ALK: variants seen among roughly 807,000 people sequenced by gnomAD.
The protein encoded by ALK is ALK tyrosine kinase receptor.
A neutral mutation model predicts 163.1 loss-of-function variants in ALK; 74 were observed. That is an observed-to-expected ratio of 0.45 (90% confidence interval 0.38 to 0.55). ALK has a LOEUF of 0.55. ALK is among the 20% of genes least tolerant of loss of function. ALK has a pLI of 0.00. For missense variants in ALK, 2,063 were observed against 2,105.3 expected (o/e 0.98, Z 0.39); for synonymous variants, 960 against 843.2 (o/e 1.14, Z -2.40).
chr2:29,446,098 CAAAAAAAAAAAAAAA>C lies in ALK; in HGVS notation c.1155-62254_1155-62240del, dbSNP rs60360983. On this transcript the variant is annotated intron_variant, in intron 4 of 28. Transcript: ENST00000389048. ...TGGGCGACAGAGCGAGACTCCGTCT[CAAAAAAAAAAAAAAA>C]AAAAAAAAAAAAAGTGAAGCGCTGT... Among the ~76,000 whole-genome samples the C allele has an allele frequency of 2.3e-4, 4 of 17,212 alleles. 1 individual carries two copies. Among genetic ancestry groups the C allele is most frequent in the African/African-American group, 5.4e-4 (3 of 5,576 alleles). 11.3% of individuals were successfully genotyped at this position (17,212 alleles called of 152,430 possible). A position where few individuals can be genotyped will look rare whatever the true frequency, so the allele number is the denominator to read the frequency against.
At chr2:29,351,601 A>C (rs764895715) in intron 5 of ALK, among the ~76,000 whole-genome samples, 2 of 152,216 alleles carry the variant, frequency 1.3e-5, no homozygotes, top group Non-Finnish European at 2.9e-5. Context: ...TTCCGCCTTA[A>C]GAGATAGACT....
Position 29,498,339 on chromosome 2 carries a change from C to T in ALK, c.1154+33576G>A, listed in dbSNP as rs1672083762. 2.6e-5 allele frequency among the ~76,000 whole-genome samples: 4 copies of T among 151,172 alleles called. No homozygotes were observed. The South Asian group carries it at 8.4e-4, about 32-fold the overall frequency. ...AATACACTTATTGATGATAAATATG[C>T]AAAAATGAAACAATAAAATTTTGAA... On this transcript the variant is annotated intron_variant, in intron 4 of 28. Transcript: ENST00000389048.
At chr2:29,310,201 A>G (rs1474773572) in intron 8 of ALK, among the ~76,000 whole-genome samples, 1 of 152,206 alleles carries the variant, frequency 6.6e-6, no homozygotes, top group Non-Finnish European at 1.5e-5. Context: ...GGAGTTGGGC[A>G]GACCTGGTTT....
chr2:29,914,975 T>C lies in ALK; in HGVS notation c.667+5018A>G, dbSNP rs369778074. On this transcript the variant is annotated intron_variant, in intron 1 of 28. Coordinates refer to ENST00000389048, the MANE Select transcript of ALK (RefSeq NM_004304.5). ...ATTTACAAAATAAAGCAAACATTTGTCCTGCCTACCATAGGATTAATAAGT... is the reference window on the plus strand; with the variant it reads ...ATTTACAAAATAAAGCAAACATTTGCCCTGCCTACCATAGGATTAATAAGT... Among the ~76,000 whole-genome samples the C allele has an allele frequency of 9.2e-5, 14 of 152,348 alleles. 1 individual carries two copies. The highest frequency in any genetic ancestry group is 3.4e-4 in the African/African-American group (14 of 41,588).
At chr2:29,835,237 T>A (rs1446788177) in intron 1 of ALK, among the ~76,000 whole-genome samples, 4 of 152,174 alleles carry the variant, frequency 2.6e-5, no homozygotes, top group Non-Finnish European at 5.9e-5. Flanking sequence ...TAGCAGAGAA[T>A]GTAAACGTTT....
At chr2:29,207,847 G>C (rs1669352732) in intron 25 of ALK, among the ~76,000 whole-genome samples, 1 of 152,200 alleles carries the variant, frequency 6.6e-6, no homozygotes, top group African/African-American at 2.4e-5. Context: ...TAATTTATTA[G>C]TTTTCATCAG....
chr2:29,245,278 C>T (rs1396333865), intron 12 of ALK, among the ~76,000 whole-genome samples: 2 of 146,316 alleles, frequency 1.4e-5, no homozygotes, highest in African/African-American at 5.1e-5. Context: ...GGCTCAATGC[C>T]CTGCACACAG....
intron 3 of ALK, among the ~76,000 whole-genome samples, chr2:29,641,155 A>G (rs1032447558): frequency 5.3e-5 from 8 of 152,136 alleles, no homozygotes; most frequent in African/African-American, 1.9e-4. Context: ...TTTATCCTAA[A>G]ATAAATAGGC....
chr2:29,755,866 C>A (rs2148333797), intron 1 of ALK, among the ~76,000 whole-genome samples: 1 of 152,296 alleles, frequency 6.6e-6, no homozygotes, highest in South Asian at 2.1e-4. Flanking sequence ...ACCCATCCAT[C>A]CATCAGTCTT....
At chr2:29,612,743 G>A (rs1019837290) in intron 3 of ALK, among the ~76,000 whole-genome samples, 3 of 152,164 alleles carry the variant, frequency 2.0e-5, no homozygotes, top group African/African-American at 7.2e-5. Context: ...ATGGGAAAAT[G>A]GGAGCTTCAG....
chr2:29,522,437 C>T lies in ALK; in HGVS notation c.1154+9478G>A, dbSNP rs549622260. On this transcript the variant is annotated intron_variant, in intron 4 of 28. Coordinates refer to ENST00000389048, the MANE Select transcript of ALK (RefSeq NM_004304.5). ...AAATTACGGGGAATGAAGGAAGGGA[C>T]GTGAATTCCTATCTGGGATGCCAGG... is the stretch of plus-strand genomic sequence containing the variant. Among the ~76,000 whole-genome samples the T allele has an allele frequency of 1.2e-4, 19 of 152,226 alleles. No homozygotes were observed. In the East Asian group the frequency reaches 2.1e-3, roughly 17 times the overall value.
intron 4 of ALK, among the ~76,000 whole-genome samples, chr2:29,526,777 G>A (rs1278194775): frequency 4.6e-5 from 7 of 152,202 alleles, no homozygotes. Context: ...TTGCCACATT[G>A]CACTGGGCTG....
intron 1 of ALK, among the ~76,000 whole-genome samples, chr2:29,745,363 A>G (rs1450406364): frequency 6.6e-6 from 1 of 152,164 alleles, no homozygotes; most frequent in East Asian, 1.9e-4. Context: ...GAGGTGGGAA[A>G]CTGTATCCCT....
chr2:29,193,689 A>G lies in ALK; in HGVS notation c.4398T>C (p.Pro1466=), dbSNP rs747467124. Residue 1466 remains proline, a synonymous_variant, in exon 29 of 29, where the codon CCT becomes CCC. Coordinates refer to ENST00000389048, the MANE Select transcript of ALK (RefSeq NM_004304.5). ...PTAAEISVRV[P]RGPAVEGGHV... is the part of the protein sequence containing the mutation. ...GTCCCCCTTCCACGGCCGGCCCTCTAGGGACTCGAACAGAGATCTCTGCAG... is the reference window on the plus strand; with the variant it reads ...GTCCCCCTTCCACGGCCGGCCCTCTGGGGACTCGAACAGAGATCTCTGCAG... The G allele has an allele frequency of 3.5e-5, 57 of 1,613,592 alleles. 1 individual carries two copies. The South Asian group carries it at 6.1e-4, about 17-fold the overall frequency.
intron 1 of ALK, among the ~76,000 whole-genome samples, chr2:29,790,685 G>C (rs1664165876): frequency 6.6e-6 from 1 of 152,144 alleles, no homozygotes; most frequent in African/African-American, 2.4e-5. Context: ...CCAGGTTCAA[G>C]CAATTCTCCT....
chr2:29,247,183 C>T (rs1228355126), intron 12 of ALK, among the ~76,000 whole-genome samples: 4 of 151,586 alleles, frequency 2.6e-5, no homozygotes, highest in African/African-American at 7.3e-5. Flanking sequence ...CCGGCCTCCG[C>T]GGCAGCGCCT....
chr2:29,239,115 G>A (rs1664455177), intron 13 of ALK, among the ~76,000 whole-genome samples: 1 of 152,184 alleles, frequency 6.6e-6, no homozygotes, highest in African/African-American at 2.4e-5. Flanking sequence ...GGTTGCACTT[G>A]CTAAGCTTAC....
chr2:29,861,953 G>A lies in ALK; in HGVS notation c.667+58040C>T, dbSNP rs557740605. 3.0e-4 allele frequency among the ~76,000 whole-genome samples: 45 copies of A among 152,106 alleles called. 1 individual carries two copies. The highest frequency in any genetic ancestry group is 9.6e-4 in the African/African-American group (40 of 41,478). ...CACGATCAAGTGGGATTAATCCCTC[G>A]GATGCAAGGATGGCTCAAAATACAC... On this transcript the variant is annotated intron_variant, in intron 1 of 28. Transcript: ENST00000389048.
chr2:29,741,794 G>T (rs1680067521), intron 1 of ALK, among the ~76,000 whole-genome samples: 2 of 152,176 alleles, frequency 1.3e-5, no homozygotes, highest in Non-Finnish European at 2.9e-5. Context: ...GTGCCACATA[G>T]ATAGACTCTG....
Sources: gnomAD v4.1 joint callset for allele counts (sites outside exome capture counted in the v4.1 genomes callset) on GRCh38, gnomAD v4.1.1 for gene constraint, MANE v1.5 for transcripts, NCBI Gene and HGNC (gene_info 2026-07-23, HGNC 2026-07-21) for gene names.